The following HACD2 variants were observed in gnomAD, a reference collection of about 807,000 sequenced individuals.
HACD2 encodes the protein very-long-chain (3R)-3-hydroxyacyl-CoA dehydratase 2.
HACD2 carries 15 observed loss-of-function variants against 31.0 expected under a neutral mutation model. That is an observed-to-expected ratio of 0.48 (90% CI 0.32 to 0.75). The LOEUF (loss-of-function observed/expected upper bound fraction) is 0.75, where lower values mean the gene tolerates loss of function less well. HACD2 is among the 30% of genes least tolerant of loss of function. The probability of loss-of-function intolerance (pLI) is 0.03; values close to 1 mark genes in which losing one functional copy is unlikely to be tolerated. For missense variants in HACD2, 283 were observed against 313.0 expected, an observed-to-expected ratio of 0.90 and a Z score of 0.72; for synonymous variants, 115 against 122.2, an observed-to-expected ratio of 0.94 and a Z score of 0.39.
intron 2 of HACD2, among the ~76,000 whole-genome samples, chr3:123,574,023 A>C (rs1352251659): frequency 6.6e-6 from 1 of 152,220 alleles, no homozygotes; most frequent in African/African-American, 2.4e-5. Context: ...AGAGAGGTTA[A>C]GATCAAGGTC....
At chr3:123,546,903 T>C (rs1413990754) in intron 3 of HACD2, among the ~76,000 whole-genome samples, 1 of 152,116 alleles carries the variant, frequency 6.6e-6, no homozygotes, top group Admixed American at 6.5e-5. Context: ...TGGTGGAAAT[T>C]TGGTGTAATA....
intron 4 of HACD2, 130 bp from the exon 5 acceptor site, chr3:123,502,811 G>T: frequency 2.3e-6 from 2 of 881,082 alleles, no homozygotes; most frequent in Non-Finnish European, 3.4e-6. Flanking sequence ...CCCCTGTATG[G>T]CAGAAAGAGC....
At chr3:123,541,646 C>T (rs1308070751) in intron 3 of HACD2, among the ~76,000 whole-genome samples, 1 of 152,106 alleles carries the variant, frequency 6.6e-6, no homozygotes, top group Non-Finnish European at 1.5e-5. Context: ...AAGTTCAATT[C>T]AACACTTGAT....
intron 2 of HACD2, among the ~76,000 whole-genome samples, chr3:123,570,175 T>C (rs1284914046): frequency 2.0e-5 from 3 of 152,134 alleles, no homozygotes; most frequent in Non-Finnish European, 4.4e-5. Context: ...TATTTTATAA[T>C]GCCTCCTCTA....
intron 4 of HACD2, among the ~76,000 whole-genome samples, chr3:123,526,945 A>G (rs2056292110): frequency 6.6e-6 from 1 of 152,224 alleles, no homozygotes; most frequent in South Asian, 2.1e-4. Flanking sequence ...GTGGTCACTA[A>G]GTGGAAGGGA....
At chr3:123,542,188 T>C (rs1279845043) in intron 3 of HACD2, among the ~76,000 whole-genome samples, 4 of 149,896 alleles carry the variant, frequency 2.7e-5, no homozygotes, top group Non-Finnish European at 4.4e-5. Context: ...AAATTGTTTT[T>C]ATCTTTAAAA....
rs1031340392 is a variant in HACD2, at chr3:123,577,231, T to C, written c.273+4981A>G. Among the ~76,000 whole-genome samples, 7 of 152,214 alleles carry C rather than the reference T, an allele frequency of 4.6e-5. 1 individual carries two copies. The highest frequency in any genetic ancestry group is 1.4e-4 in the African/African-American group (6 of 41,444). On this transcript the variant is annotated intron_variant, in intron 2 of 6. Transcript: ENST00000383657. Reference sequence around the variant, plus strand: ...CAATGTACATATGTTGAAGATAGCCTGTATCAATCTCAACAGTTAACCTCT... The same window carrying C: ...CAATGTACATATGTTGAAGATAGCCCGTATCAATCTCAACAGTTAACCTCT...
Position 123,565,643 on chromosome 3 carries a change from C to T in HACD2, c.292+2119G>A, listed in dbSNP as rs529112808. 3.9e-5 allele frequency among the ~76,000 whole-genome samples: 6 copies of T among 152,212 alleles called. No individual in the cohort carries two copies. In the East Asian group the frequency reaches 5.8e-4, roughly 15 times the overall value. On this transcript the variant is annotated intron_variant, in intron 3 of 6. Transcript: ENST00000383657. Reference sequence around the variant, plus strand: ...GGTATTTTGTTACAGCAGCCAGAACCGGCTAAGATACTTGGAAAAGACGCA... The same window carrying T: ...GGTATTTTGTTACAGCAGCCAGAACTGGCTAAGATACTTGGAAAAGACGCA...
At chr3:123,569,605 G>A (rs933427172) in intron 2 of HACD2, among the ~76,000 whole-genome samples, 3 of 152,178 alleles carry the variant, frequency 2.0e-5, no homozygotes, top group East Asian at 3.9e-4. Flanking sequence ...CAAGTGATCC[G>A]CCAGCCTTGG....
At chr3:123,555,972 G>A (rs2056668436) in intron 3 of HACD2, among the ~76,000 whole-genome samples, 1 of 152,148 alleles carries the variant, frequency 6.6e-6, no homozygotes, top group South Asian at 2.1e-4. Flanking sequence ...AACAAATCGT[G>A]CCGAACAACT....
chr3:123,567,678 C>T (rs758361198), intron 3 of HACD2, 84 bp downstream of exon 3: 1 of 874,624 alleles, frequency 1.1e-6, no homozygotes, highest in Admixed American at 3.1e-5. Context: ...CAATATTTAA[C>T]AGAAATCAAT....
intron 3 of HACD2, among the ~76,000 whole-genome samples, chr3:123,532,974 A>G (rs1327378416): frequency 6.6e-6 from 1 of 152,078 alleles, no homozygotes; most frequent in Non-Finnish European, 1.5e-5. Flanking sequence ...TTAGAGCTCA[A>G]TGTTAAGAAA....
chr3:123,497,849 A>G (rs2055853555), intron 6 of HACD2, among the ~76,000 whole-genome samples: 1 of 152,232 alleles, frequency 6.6e-6, no homozygotes, highest in Non-Finnish European at 1.5e-5. Flanking sequence ...AGGCCCATGA[A>G]AAGGAGGTGT....
chr3:123,504,592 A>G (rs946464368), intron 4 of HACD2, among the ~76,000 whole-genome samples: 1 of 151,944 alleles, frequency 6.6e-6, no homozygotes, highest in Non-Finnish European at 1.5e-5. Context: ...CCCAGCCTAG[A>G]GATTGGTTAT....
chr3:123,528,524 A>G (rs762953603), intron 3 of HACD2, 50 bp from the exon 4 acceptor site: 13 of 1,058,468 alleles, frequency 1.2e-5, no homozygotes, highest in Non-Finnish European at 1.8e-5. Context: ...CTAAGTTTCG[A>G]TATATAATAT....
intron 3 of HACD2, among the ~76,000 whole-genome samples, chr3:123,529,057 T>C (rs563397179): frequency 1.3e-5 from 2 of 151,966 alleles, no homozygotes; most frequent in African/African-American, 4.8e-5. Flanking sequence ...ACAATTATCC[T>C]CCCAATGTCC....
At chr3:123,561,778 G>GAA (rs374502470) in intron 3 of HACD2, among the ~76,000 whole-genome samples, 6 of 145,310 alleles carry the variant, frequency 4.1e-5, no homozygotes, top group African/African-American at 5.1e-5. Flanking sequence ...CAGTATTACG[G>GAA]AAAAAAAAAA....
chr3:123,574,058 A>G (rs957600916), intron 2 of HACD2, among the ~76,000 whole-genome samples: 2 of 152,310 alleles, frequency 1.3e-5, no homozygotes, highest in African/African-American at 4.8e-5. Context: ...TGGCAAAACC[A>G]AGTCTTCATA....
intron 2 of HACD2, among the ~76,000 whole-genome samples, chr3:123,581,384 G>C (rs1474796231): frequency 6.6e-6 from 1 of 152,124 alleles, no homozygotes; most frequent in Non-Finnish European, 1.5e-5. Flanking sequence ...TCCTAAGATT[G>C]GCTAATCAAG....
Sources: allele counts gnomAD v4.1 joint callset (sites outside exome capture counted in the v4.1 genomes callset), GRCh38; gene constraint gnomAD v4.1.1; transcripts MANE v1.5; gene names NCBI Gene and HGNC (gene_info 2026-07-23, HGNC 2026-07-21).